The following ANXA10 variants were observed in gnomAD, a reference collection of about 807,000 sequenced individuals.
The protein encoded by ANXA10 is annexin A10, also known as annexin 14.
A neutral mutation model predicts 53.5 loss-of-function variants in ANXA10; 49 were observed. The ratio of observed to expected loss-of-function variants is 0.92; its 90% confidence interval spans 0.73 to 1.16. The LOEUF (loss-of-function observed/expected upper bound fraction) is 1.16, where lower values mean the gene tolerates loss of function less well. ANXA10 is among the 50% of genes most tolerant of loss of function. The pLI is 0.00. For synonymous variants in ANXA10, 131 were observed against 128.9 expected, an observed-to-expected ratio of 1.02 and a Z score of -0.11; for missense variants, 393 against 394.4, an observed-to-expected ratio of 1.00 and a Z score of 0.03.
intron 1 of ANXA10, among the ~76,000 whole-genome samples, chr4:168,099,250 T>C (rs1167678751): frequency 1.3e-5 from 2 of 152,158 alleles, no homozygotes; most frequent in Non-Finnish European, 2.9e-5. Flanking sequence ...TTTGGAGATA[T>C]TGAATAAATG....
intron 1 of ANXA10, among the ~76,000 whole-genome samples, chr4:168,116,530 T>G (rs1730896080): frequency 6.6e-6 from 1 of 152,112 alleles, no homozygotes; most frequent in Non-Finnish European, 1.5e-5. Flanking sequence ...CCAGAATAAC[T>G]AAATAAAAGA....
intron 1 of ANXA10, among the ~76,000 whole-genome samples, chr4:168,113,785 G>T (rs1183396951): frequency 6.6e-6 from 1 of 152,142 alleles, no homozygotes; most frequent in Non-Finnish European, 1.5e-5. Context: ...TCAGTGTGTT[G>T]ACTATGATTT....
intron 1 of ANXA10, among the ~76,000 whole-genome samples, chr4:168,105,509 G>A (rs2149465162): frequency 6.6e-6 from 1 of 152,136 alleles, no homozygotes; most frequent in East Asian, 1.9e-4. Flanking sequence ...TCTTTATCCA[G>A]TCTACCATTG....
At chr4:168,106,267 A>G (rs1730718515) in intron 1 of ANXA10, among the ~76,000 whole-genome samples, 1 of 152,142 alleles carries the variant, frequency 6.6e-6, no homozygotes, top group Non-Finnish European at 1.5e-5. Flanking sequence ...ATTTTGGCTC[A>G]ATGATATTTT....
At chr4:168,156,281 G>T (rs1056290718) in intron 3 of ANXA10, among the ~76,000 whole-genome samples, 241 of 18,406 alleles carry the variant, frequency 0.013, no homozygotes, top group Non-Finnish European at 0.022. Context: ...ATATATAATA[G>T]TATATATTAT....
chr4:168,106,996 A>G (rs900238520), intron 1 of ANXA10, among the ~76,000 whole-genome samples: 3 of 152,174 alleles, frequency 2.0e-5, no homozygotes, highest in African/African-American at 7.2e-5. Context: ...AGGCATTTAA[A>G]TTAGTGGCAA....
chr4:168,155,759 AATATATGATATATCATATATT>A (rs1731619973), intron 3 of ANXA10, among the ~76,000 whole-genome samples: 12 of 25,030 alleles, frequency 4.8e-4, no homozygotes, highest in Admixed American at 1.7e-3. Flanking sequence ...TATATTATAT[AATATATGATATATCATATATT>A]ATATATTATA....
At chr4:168,093,107 A>G (rs1371279409) in intron 1 of ANXA10, among the ~76,000 whole-genome samples, 2 of 152,156 alleles carry the variant, frequency 1.3e-5, no homozygotes, top group African/African-American at 4.8e-5. Context: ...ATTTTGAAAC[A>G]ACGTATTATC....
At chr4:168,154,434 A>G (rs935788168) in intron 3 of ANXA10, among the ~76,000 whole-genome samples, 7 of 152,170 alleles carry the variant, frequency 4.6e-5, no homozygotes, top group Non-Finnish European at 7.3e-5. Flanking sequence ...GGAAATATGC[A>G]CATATATTTA....
chr4:168,104,132 T>C (rs906958860), intron 1 of ANXA10, among the ~76,000 whole-genome samples: 2 of 151,966 alleles, frequency 1.3e-5, no homozygotes, highest in African/African-American at 4.8e-5. Context: ...TCAAGTGTTT[T>C]TTCTGCATCA....
intron 1 of ANXA10, among the ~76,000 whole-genome samples, chr4:168,117,031 T>G (rs1730905961): frequency 6.9e-6 from 1 of 144,076 alleles, no homozygotes; most frequent in East Asian, 2.1e-4. Context: ...TATTAACAGC[T>G]TTATTAATCT....
chr4:168,180,437 G>A (rs936586186), intron 9 of ANXA10, among the ~76,000 whole-genome samples: 3 of 152,156 alleles, frequency 2.0e-5, no homozygotes, highest in Admixed American at 2.0e-4. Flanking sequence ...CCACAAAGCA[G>A]TGGGCATAAG....
At chr4:168,163,088 T>A (rs1239754725) in intron 4 of ANXA10, among the ~76,000 whole-genome samples, 1 of 152,242 alleles carries the variant, frequency 6.6e-6, no homozygotes, top group Non-Finnish European at 1.5e-5. Flanking sequence ...GTCTTTATAT[T>A]TTCTTTTTAT....
chr4:168,184,483 G>A, intron 10 of ANXA10, 76 bp from the exon 11 acceptor site: 1 of 1,525,280 alleles, frequency 6.6e-7, no homozygotes, highest in East Asian at 2.3e-5. Flanking sequence ...CTACAGAAAA[G>A]GGGTGTGTCC....
At chr4:168,168,058 T>C (rs200191851) in intron 6 of ANXA10, among the ~76,000 whole-genome samples, 5 of 152,300 alleles carry the variant, frequency 3.3e-5, no homozygotes, top group Middle Eastern at 3.4e-3. Flanking sequence ...TTTCTTGTAA[T>C]AGATGACTAA....
rs139164321 is a variant in ANXA10, at chr4:168,181,810, C to T, written c.783+69C>T. Reference sequence around the variant, plus strand: ...CTGTTTTCTCAAAGGATTAATTTTACTTCCATCATTTAAATGTTCATTACC... The same window carrying T: ...CTGTTTTCTCAAAGGATTAATTTTATTTCCATCATTTAAATGTTCATTACC... On this transcript the variant is annotated intron_variant, in intron 10 of 11. Transcript: ENST00000359299. The T allele has an allele frequency of 2.5e-4, 281 of 1,140,962 alleles. 2 individuals are homozygous for T. In the East Asian group the frequency reaches 6.1e-3, roughly 25 times the overall value. 70.7% of individuals were successfully genotyped at this position (1,140,962 alleles called of 1,614,324 possible). A position where few individuals can be genotyped will look rare whatever the true frequency, so the allele number is the denominator to read the frequency against.
intron 1 of ANXA10, among the ~76,000 whole-genome samples, chr4:168,115,497 GCACA>G (rs67627035): frequency 0.14 from 19,115 of 136,308 alleles, 1,350 homozygotes; most frequent in Admixed American, 0.21. Flanking sequence ...CAATACACAC[GCACA>G]CACACACACA....
chr4:168,139,927 T>C (rs1731300271), intron 3 of ANXA10, among the ~76,000 whole-genome samples: 1 of 152,102 alleles, frequency 6.6e-6, no homozygotes, highest in South Asian at 2.1e-4. Context: ...GTGGCGAGCT[T>C]TAGGGAAGGC....
chr4:168,112,928 C>A (rs1004445833), intron 1 of ANXA10, among the ~76,000 whole-genome samples: 1 of 151,750 alleles, frequency 6.6e-6, no homozygotes, highest in African/African-American at 2.4e-5. Context: ...GAGTCTGAAG[C>A]AGGAGAATCG....
Sources: allele counts gnomAD v4.1 joint callset (sites outside exome capture counted in the v4.1 genomes callset), GRCh38; gene constraint gnomAD v4.1.1; transcripts MANE v1.5; gene names NCBI Gene and HGNC (gene_info 2026-07-23, HGNC 2026-07-21).